Variants in TSPAN5 observed in about 807,000 individuals in gnomAD.
TSPAN5 encodes tetraspanin-5.
In TSPAN5, 10 loss-of-function variants were observed where a neutral mutation model predicts 37.1. That is an observed-to-expected ratio of 0.27 (90% CI 0.17 to 0.46). The LOEUF (loss-of-function observed/expected upper bound fraction) is 0.46, where lower values mean the gene tolerates loss of function less well. Ranked by LOEUF, TSPAN5 falls within the 20% of genes least tolerant of loss-of-function variation. The pLI is 1.00. For missense variants in TSPAN5, 195 were observed against 326.6 expected (o/e 0.60, Z 3.11); for synonymous variants, 110 against 118.9 (o/e 0.93, Z 0.48).
chr4:98,591,494 C>T (rs1755631280), intron 1 of TSPAN5, among the ~76,000 whole-genome samples: 1 of 81,988 alleles, frequency 1.2e-5, no homozygotes, highest in Admixed American at 1.6e-4. Context: ...TATCCATGAG[C>T]CACATGAGGC....
intron 5 of TSPAN5, among the ~76,000 whole-genome samples, chr4:98,477,435 T>C (rs1402097687): frequency 6.6e-6 from 1 of 152,114 alleles, no homozygotes; most frequent in African/African-American, 2.4e-5. Context: ...CCATAGCTCC[T>C]TTTAAGAGCC....
chr4:98,545,344 T>C (rs997818479), intron 1 of TSPAN5, among the ~76,000 whole-genome samples: 3 of 152,220 alleles, frequency 2.0e-5, no homozygotes, highest in Non-Finnish European at 4.4e-5. Context: ...TATCCCTAGA[T>C]GTTTCTGTTA....
At chr4:98,646,545 A>AT (rs1184581664) in intron 1 of TSPAN5, among the ~76,000 whole-genome samples, 2 of 152,196 alleles carry the variant, frequency 1.3e-5, no homozygotes, top group Non-Finnish European at 2.9e-5. Flanking sequence ...AGACACTTTG[A>AT]TTTTGCAAAG....
chr4:98,478,668 C>T lies in TSPAN5; in HGVS notation c.576+17G>A, dbSNP rs374416229. The T allele has an allele frequency of 2.0e-5, 32 of 1,614,080 alleles. No individual in the cohort carries two copies. The highest frequency in any genetic ancestry group is 1.9e-4 in the African/African-American group (14 of 75,040). ...TGATGTACAGAGTAGGCCAATAGTT[C>T]GCTGGCATTCACTTACTGCGGGATC... On this transcript the variant is annotated intron_variant, in intron 5 of 7. Coordinates refer to ENST00000305798, the MANE Select transcript of TSPAN5 (RefSeq NM_005723.4).
chr4:98,472,646 A>G, intron 7 of TSPAN5, 59 bp from the exon 8 acceptor site: 1 of 1,399,694 alleles, frequency 7.1e-7, no homozygotes, highest in Admixed American at 1.8e-5. Context: ...TTCCCTGGCC[A>G]CTGTGTCCCA....
At chr4:98,634,363 C>A (rs1369990177) in intron 1 of TSPAN5, among the ~76,000 whole-genome samples, 2 of 152,180 alleles carry the variant, frequency 1.3e-5, no homozygotes, top group African/African-American at 4.8e-5. Context: ...CTCTCTGTGA[C>A]CAATGTCTGG....
chr4:98,572,329 T>A (rs1755144121), intron 1 of TSPAN5, among the ~76,000 whole-genome samples: 1 of 152,164 alleles, frequency 6.6e-6, no homozygotes, highest in Non-Finnish European at 1.5e-5. Flanking sequence ...CTGACCAATC[T>A]ACAAACAGGG....
intron 1 of TSPAN5, among the ~76,000 whole-genome samples, chr4:98,510,992 A>T (rs1056313118): frequency 3.3e-5 from 5 of 152,084 alleles, no homozygotes; most frequent in Non-Finnish European, 7.4e-5. Context: ...TCCCCTTCCC[A>T]CCTCCCAAAG....
intron 1 of TSPAN5, among the ~76,000 whole-genome samples, chr4:98,575,610 TC>T (rs1028581654): frequency 6.6e-6 from 1 of 152,056 alleles, no homozygotes; most frequent in Non-Finnish European, 1.5e-5. Context: ...GGGTTTCTTT[TC>T]CTCAGAAACA....
chr4:98,637,866 T>C (rs1220072335), intron 1 of TSPAN5, among the ~76,000 whole-genome samples: 1 of 152,192 alleles, frequency 6.6e-6, no homozygotes, highest in Non-Finnish European at 1.5e-5. Context: ...TATCTATAAA[T>C]ATCAAAAAGT....
chr4:98,601,137 T>G (rs1341187536), intron 1 of TSPAN5, among the ~76,000 whole-genome samples: 1 of 152,226 alleles, frequency 6.6e-6, no homozygotes. Context: ...TGTGCTGTCA[T>G]CTGGGCTTTG....
At chr4:98,632,771 A>C (rs1234197823) in intron 1 of TSPAN5, among the ~76,000 whole-genome samples, 1 of 152,180 alleles carries the variant, frequency 6.6e-6, no homozygotes, top group African/African-American at 2.4e-5. Flanking sequence ...CCAAGGGTTA[A>C]CTTGACTGGG....
At chr4:98,552,698 T>C (rs888292420) in intron 1 of TSPAN5, among the ~76,000 whole-genome samples, 1 of 152,190 alleles carries the variant, frequency 6.6e-6, no homozygotes, top group Non-Finnish European at 1.5e-5. Context: ...ACTCATTTAC[T>C]ACAGTTATTA....
intron 1 of TSPAN5, among the ~76,000 whole-genome samples, chr4:98,635,462 A>G (rs1452259016): frequency 2.6e-5 from 4 of 152,210 alleles, no homozygotes; most frequent in African/African-American, 9.6e-5. Flanking sequence ...CATGGCTTAG[A>G]ATAGTTCCAA....
intron 1 of TSPAN5, among the ~76,000 whole-genome samples, chr4:98,524,573 A>G (rs1052538275): frequency 6.6e-6 from 1 of 152,104 alleles, no homozygotes; most frequent in African/African-American, 2.4e-5. Context: ...TGTGAGCATG[A>G]CTTTGTCAAA....
chr4:98,570,775 G>A (rs952680514), intron 1 of TSPAN5, among the ~76,000 whole-genome samples: 3 of 151,958 alleles, frequency 2.0e-5, no homozygotes, highest in Admixed American at 6.6e-5. Flanking sequence ...CCAGGTAAAC[G>A]CTCTCCCATT....
At position 98,535,849 on chromosome 4, in the gene TSPAN5, C is replaced by T. The variant is rs1754219670; in HGVS notation, c.82-28121G>A. ...CGGCTGTTGATACTTGTATATGCTT[C>T]ACGAAGTTCTTGTGCTGTTTTTTCA... On this transcript the variant is annotated intron_variant, in intron 1 of 7. Transcript: ENST00000305798. Among the ~76,000 whole-genome samples the T allele has an allele frequency of 2.0e-5, 3 of 152,092 alleles. No individual in the cohort carries two copies. The South Asian group carries it at 6.2e-4, about 32-fold the overall frequency.
intron 1 of TSPAN5, among the ~76,000 whole-genome samples, chr4:98,528,989 T>C (rs1456388996): frequency 6.6e-6 from 1 of 152,154 alleles, no homozygotes; most frequent in Non-Finnish European, 1.5e-5. Flanking sequence ...GTTAAGTGAC[T>C]CACCCAAGGT....
intron 1 of TSPAN5, among the ~76,000 whole-genome samples, chr4:98,566,936 A>T (rs956958572): frequency 3.9e-5 from 6 of 152,246 alleles, no homozygotes; most frequent in Non-Finnish European, 7.3e-5. Flanking sequence ...AGCTGATTGT[A>T]GCAGAAACAG....
Sources: gnomAD v4.1 joint callset for allele counts (sites outside exome capture counted in the v4.1 genomes callset) on GRCh38, gnomAD v4.1.1 for gene constraint, MANE v1.5 for transcripts, NCBI Gene and HGNC (gene_info 2026-07-23, HGNC 2026-07-21) for gene names.